Variants in SLC8A1 observed in about 807,000 individuals in gnomAD.
SLC8A1 encodes solute carrier family 8 member A1.
SLC8A1 carries 18 observed loss-of-function variants against 68.3 expected under a neutral mutation model. That is an observed-to-expected ratio of 0.26 (90% confidence interval 0.18 to 0.39). The LOEUF (loss-of-function observed/expected upper bound fraction) is 0.39, where lower values mean the gene tolerates loss of function less well. Ranked by LOEUF, SLC8A1 falls within the 10% of genes least tolerant of loss-of-function variation. SLC8A1 has a pLI of 1.00. For synonymous variants in SLC8A1, 475 were observed against 415.5 expected, an observed-to-expected ratio of 1.14 and a Z score of -1.74; for missense variants, 985 against 1,156.7, an observed-to-expected ratio of 0.85 and a Z score of 2.15.
At chr2:40,342,180 G>C (rs1667905394) in intron 2 of SLC8A1, among the ~76,000 whole-genome samples, 1 of 152,018 alleles carries the variant, frequency 6.6e-6, no homozygotes, top group Non-Finnish European at 1.5e-5. Flanking sequence ...ATAACCCCAA[G>C]GGTTTTAGTT....
chr2:40,272,021 C>G (rs2066101289), intron 2 of SLC8A1, among the ~76,000 whole-genome samples: 1 of 152,010 alleles, frequency 6.6e-6, no homozygotes, highest in African/African-American at 2.4e-5. Flanking sequence ...CATGTACCAC[C>G]ATGCCTGGCT....
intron 2 of SLC8A1, among the ~76,000 whole-genome samples, chr2:40,335,505 G>C (rs1293363414): frequency 2.0e-5 from 3 of 152,226 alleles, no homozygotes; most frequent in South Asian, 2.1e-4. Flanking sequence ...AGGAAAACTG[G>C]ATGGGAATGA....
In SLC8A1 at chr2:40,284,632, G is replaced by C. The variant is rs1050270580; in HGVS notation, c.1809-106777C>G. 7.0e-5 allele frequency among the ~76,000 whole-genome samples: 10 copies of C among 143,552 alleles called. No individual in the cohort carries two copies. In the East Asian group the frequency reaches 1.2e-3, roughly 17 times the overall value. 94.2% of individuals were successfully genotyped at this position (143,552 alleles called of 152,430 possible). A position where few individuals can be genotyped will look rare whatever the true frequency, so the allele number is the denominator to read the frequency against. The stretch of plus-strand genomic sequence containing the variant: ...TATATAAATTAAATTGAAAGCTTTT[G>C]GGGAAAAACATATATAAATATAAAT... On this transcript the variant is annotated intron_variant, in intron 2 of 7. Coordinates refer to ENST00000406785, the Ensembl canonical transcript of SLC8A1.
At chr2:40,195,742 C>T (rs1220484318) in intron 2 of SLC8A1, 2 of 151,894 alleles carry the variant, frequency 1.3e-5, no homozygotes, top group South Asian at 2.1e-4. Context: ...ATATTAACAG[C>T]GTATTTGTAC....
intron 2 of SLC8A1, among the ~76,000 whole-genome samples, chr2:40,269,278 C>T (rs2065734717): frequency 6.6e-6 from 1 of 152,138 alleles, no homozygotes; most frequent in African/African-American, 2.4e-5. Flanking sequence ...CTATTAAGAT[C>T]TAGCATTCAA....
intron 2 of SLC8A1, among the ~76,000 whole-genome samples, chr2:40,420,652 G>C (rs764173726): frequency 6.6e-6 from 1 of 152,182 alleles, no homozygotes; most frequent in South Asian, 2.1e-4. Flanking sequence ...TAGGTTAATG[G>C]AGAGTGGGGC....
At chr2:40,108,423 A>G (rs1157047103) in exon 8 of SLC8A1, 1 of 152,150 alleles carries the variant, frequency 6.6e-6, no homozygotes, top group African/African-American at 2.4e-5. Flanking sequence ...TAACTTGCAA[A>G]TATCTTAGGG....
At chr2:40,342,619 A>G (rs1668051506) in intron 2 of SLC8A1, among the ~76,000 whole-genome samples, 1 of 152,146 alleles carries the variant, frequency 6.6e-6, no homozygotes, top group African/African-American at 2.4e-5. Flanking sequence ...ACATGCTGTT[A>G]GATAGTTTAT....
At chr2:40,330,948 T>G (rs944599365) in intron 2 of SLC8A1, among the ~76,000 whole-genome samples, 1 of 152,130 alleles carries the variant, frequency 6.6e-6, no homozygotes, top group Admixed American at 6.5e-5. Context: ...ACATACAAAA[T>G]TGAATGAATA....
chr2:40,463,835 C>A lies in SLC8A1; in HGVS notation c.-24-33531G>T, dbSNP rs536417041. On this transcript the variant is annotated intron_variant, in intron 1 of 7. Transcript: ENST00000402441. The stretch of plus-strand genomic sequence containing the variant: ...AAGAGGATATATACATACACACACA[C>A]ACATACACACACACACACACACACA... Among the ~76,000 whole-genome samples, 517 of 111,438 alleles carry A rather than the reference C, an allele frequency of 4.6e-3. 13 individuals are homozygous for A. The highest frequency in any genetic ancestry group is 1.1e-3 in the Non-Finnish European group (58 of 54,304). 73.1% of individuals were successfully genotyped at this position (111,438 alleles called of 152,430 possible).
intron 2 of SLC8A1, among the ~76,000 whole-genome samples, chr2:40,286,173 C>T (rs2068277270): frequency 6.6e-6 from 1 of 152,158 alleles, no homozygotes; most frequent in Non-Finnish European, 1.5e-5. Flanking sequence ...CTGGTGCCTG[C>T]TGCAGCTTCC....
chr2:40,356,135 G>A (rs1672588723), intron 2 of SLC8A1, among the ~76,000 whole-genome samples: 1 of 152,154 alleles, frequency 6.6e-6, no homozygotes, highest in Admixed American at 6.6e-5. Flanking sequence ...TCTGGATTAT[G>A]TGTCCTACCC....
intron 2 of SLC8A1, among the ~76,000 whole-genome samples, chr2:40,347,025 A>G (rs1020135105): frequency 7.2e-5 from 11 of 152,206 alleles, no homozygotes; most frequent in Admixed American, 3.9e-4. Flanking sequence ...ATCAAAGCAC[A>G]GCATGTGACA....
At chr2:40,406,276 T>G (rs754322570) in intron 2 of SLC8A1, among the ~76,000 whole-genome samples, 1 of 152,200 alleles carries the variant, frequency 6.6e-6, no homozygotes, top group Non-Finnish European at 1.5e-5. Flanking sequence ...AATAATAGAA[T>G]GTATCACTGT....
chr2:40,304,834 C>T (rs1024516887), intron 2 of SLC8A1, among the ~76,000 whole-genome samples: 1 of 152,122 alleles, frequency 6.6e-6, no homozygotes, highest in African/African-American at 2.4e-5. Context: ...ACCTCATGCG[C>T]CCGCCAGAGA....
chr2:40,339,202 C>G (rs1666948702), intron 2 of SLC8A1, among the ~76,000 whole-genome samples: 1 of 152,174 alleles, frequency 6.6e-6, no homozygotes, highest in Non-Finnish European at 1.5e-5. Flanking sequence ...TTATTCATTC[C>G]TAAGATGTCA....
chr2:40,251,912 A>G (rs575805438), intron 2 of SLC8A1: 1 of 152,348 alleles, frequency 6.6e-6, no homozygotes, highest in Admixed American at 6.5e-5. Context: ...AAGTCCGTGT[A>G]GATACAAGTA....
chr2:40,273,853 T>A (rs9808490), intron 2 of SLC8A1, among the ~76,000 whole-genome samples: 2 of 149,880 alleles, frequency 1.3e-5, no homozygotes, highest in African/African-American at 4.9e-5. Context: ...ACATAGTTAA[T>A]ATGCCAAGTC....
chr2:40,330,439 G>A (rs1302062820), intron 2 of SLC8A1, among the ~76,000 whole-genome samples: 10 of 152,120 alleles, frequency 6.6e-5, no homozygotes, highest in Non-Finnish European at 1.3e-4. Flanking sequence ...GAATAATAAA[G>A]GCAATGTCTA....
Sources: gnomAD v4.1 joint callset for allele counts (sites outside exome capture counted in the v4.1 genomes callset) on GRCh38, gnomAD v4.1.1 for gene constraint, MANE v1.5 for transcripts, NCBI Gene and HGNC (gene_info 2026-07-23, HGNC 2026-07-21) for gene names.